FAM135B: variants seen among roughly 807,000 people sequenced by gnomAD.
FAM135B encodes the protein family with sequence similarity 135 member B, also known as protein FAM135B.
A neutral mutation model predicts 127.7 loss-of-function variants in FAM135B; 43 were observed. That is an observed-to-expected ratio of 0.34 (90% confidence interval 0.26 to 0.43). The LOEUF is 0.43. FAM135B is among the 20% of genes least tolerant of loss of function. The probability of loss-of-function intolerance (pLI) is 1.00; values close to 1 mark genes in which losing one functional copy is unlikely to be tolerated. For missense variants in FAM135B, 1,558 were observed against 1,725.6 expected (o/e 0.90, Z 1.72); for synonymous variants, 670 against 665.1 (o/e 1.01, Z -0.11).
intron 3 of FAM135B, among the ~76,000 whole-genome samples, chr8:138,278,477 G>A (rs373413136): frequency 1.5e-4 from 23 of 151,422 alleles, no homozygotes; most frequent in African/African-American, 4.6e-4. Flanking sequence ...TGAGGGATGT[G>A]ACAGTGCTGC....
intron 6 of FAM135B, 119 bp downstream of exon 6, chr8:138,250,722 G>T: frequency 8.9e-7 from 1 of 1,129,074 alleles, no homozygotes; most frequent in Non-Finnish European, 1.3e-6. Flanking sequence ...GCTTAAACCT[G>T]CAGCCTTAGA....
chr8:138,180,690 T>C (rs1416490447), intron 9 of FAM135B, among the ~76,000 whole-genome samples: 2 of 152,184 alleles, frequency 1.3e-5, no homozygotes, highest in Non-Finnish European at 2.9e-5. Flanking sequence ...ATGTTGCATA[T>C]TTTTGCTTTA....
chr8:138,264,773 G>C (rs1822790577), intron 4 of FAM135B, among the ~76,000 whole-genome samples: 1 of 152,146 alleles, frequency 6.6e-6, no homozygotes, highest in African/African-American at 2.4e-5. Flanking sequence ...GATAACAAAA[G>C]ATGTGGACAA....
At position 138,177,394 on chromosome 8, in the gene FAM135B, AAAG is replaced by A; in HGVS notation, c.1053_1055del (p.Phe352del). 1 of 1,613,664 alleles carries A rather than the reference AAAG, an allele frequency of 6.2e-7. No individual in the cohort carries two copies. The highest frequency in any genetic ancestry group is 8.5e-7 in the Non-Finnish European group (1 of 1,179,718). ...CTGCAAGTTTTTGGTGCTCCATGTA[AAAG>A]AAGGCCTCAGAAAACCTTCGGACCT... is the stretch of plus-strand genomic sequence containing the variant. On this transcript the variant is annotated inframe_deletion, in exon 11 of 20. Transcript: ENST00000395297.
rs187491858 is a variant in FAM135B at position 138,154,170 on chromosome 8, A to T, written c.1259-954T>A. Among the ~76,000 whole-genome samples the T allele has an allele frequency of 2.0e-4, 31 of 152,306 alleles. No individual in the cohort carries two copies. In the East Asian group the frequency reaches 6.0e-3, roughly 29 times the overall value. ...CAGCCTCCACTGGTGATACCCAGGC[A>T]AACAGGATCTGGAGTGGACCTCCAG... On this transcript the variant is annotated intron_variant, in intron 12 of 19. Transcript: ENST00000395297.
chr8:138,409,206 G>A (rs749136921), intron 1 of FAM135B, among the ~76,000 whole-genome samples: 9 of 152,038 alleles, frequency 5.9e-5, no homozygotes, highest in African/African-American at 1.7e-4. Flanking sequence ...TTAATTGGCC[G>A]ATTTTCAGTA....
chr8:138,469,527 CA>C (rs1837563892), intron 1 of FAM135B, among the ~76,000 whole-genome samples: 1 of 152,114 alleles, frequency 6.6e-6, no homozygotes, highest in Non-Finnish European at 1.5e-5. Context: ...AGAAAAAAAT[CA>C]GGGAAACAGA....
rs1020710449 is a variant in FAM135B at position 138,130,125 on chromosome 8, C to G, written c.*2468G>C. ...CGCAGAGAATGAAGACATACAAGAC[C>G]ATTATCTTGGCAGGCATTTTGTTTA... is the stretch of plus-strand genomic sequence containing the variant. On this transcript the variant is annotated 3_prime_UTR_variant, in exon 20 of 20. Coordinates refer to ENST00000395297, the MANE Select transcript of FAM135B (RefSeq NM_015912.4). 18 of 151,640 alleles carry G rather than the reference C, an allele frequency of 1.2e-4. No homozygotes were observed. Among genetic ancestry groups the G allele is most frequent in the African/African-American group, 4.4e-4 (18 of 41,368 alleles). The allele number at this position is 151,640 out of a possible 1,614,324, so 9.4% of individuals were successfully genotyped here.
At chr8:138,487,644 G>GGT (rs1159279877) in intron 1 of FAM135B, among the ~76,000 whole-genome samples, 3 of 151,016 alleles carry the variant, frequency 2.0e-5, no homozygotes, top group African/African-American at 7.4e-5. Context: ...TGGGGGTGGG[G>GGT]GCGGGGCAGG....
intron 7 of FAM135B, among the ~76,000 whole-genome samples, chr8:138,207,005 G>A (rs1450704122): frequency 6.6e-6 from 1 of 151,978 alleles, no homozygotes; most frequent in Non-Finnish European, 1.5e-5. Flanking sequence ...AGCATCAAAG[G>A]ATCCTACAAG....
chr8:138,494,852 A>AT (rs60279535), intron 1 of FAM135B, among the ~76,000 whole-genome samples: 1 of 150,036 alleles, frequency 6.7e-6, no homozygotes, highest in African/African-American at 2.5e-5. Context: ...AAAAAAAAAA[A>AT]CTTAATCCAC....
chr8:138,481,407 G>T (rs960383675), intron 1 of FAM135B, among the ~76,000 whole-genome samples: 5 of 152,168 alleles, frequency 3.3e-5, no homozygotes, highest in African/African-American at 9.7e-5. Flanking sequence ...AGGATTTTTT[G>T]AATTCAAATG....
At chr8:138,168,711 G>A (rs1172176125) in intron 11 of FAM135B, among the ~76,000 whole-genome samples, 2 of 152,156 alleles carry the variant, frequency 1.3e-5, no homozygotes, top group Admixed American at 6.5e-5. Context: ...AGGCTGGGGT[G>A]GTAGAAAGTG....
chr8:138,239,125 A>C (rs2130319732), intron 7 of FAM135B, among the ~76,000 whole-genome samples: 1 of 152,332 alleles, frequency 6.6e-6, no homozygotes, highest in East Asian at 1.9e-4. Context: ...CCTAGAAGGT[A>C]GATGTGATCC....
At chr8:138,386,158 A>G (rs1396669725) in intron 1 of FAM135B, among the ~76,000 whole-genome samples, 1 of 151,880 alleles carries the variant, frequency 6.6e-6, no homozygotes, top group Admixed American at 6.6e-5. Context: ...AGAGGTTGCA[A>G]TTAGCTGAGA....
intron 2 of FAM135B, among the ~76,000 whole-genome samples, chr8:138,317,099 A>C (rs1563891771): frequency 1.3e-5 from 2 of 152,234 alleles, no homozygotes; most frequent in African/African-American, 4.8e-5. Flanking sequence ...TGTTTAGAGA[A>C]GCTTTATCCA....
At chr8:138,239,440 T>C (rs1280172284) in intron 7 of FAM135B, among the ~76,000 whole-genome samples, 2 of 152,238 alleles carry the variant, frequency 1.3e-5, no homozygotes, top group Non-Finnish European at 2.9e-5. Context: ...GAGTTCTTTG[T>C]AGATTCTGGA....
At chr8:138,469,957 C>T (rs1837590487) in intron 1 of FAM135B, among the ~76,000 whole-genome samples, 1 of 152,194 alleles carries the variant, frequency 6.6e-6, no homozygotes, top group Non-Finnish European at 1.5e-5. Flanking sequence ...AACTCAACAC[C>T]TTGGATGTGG....
chr8:138,152,221 A>G lies in FAM135B; in HGVS notation c.2254T>C (p.Ser752Pro). 6.2e-7 allele frequency: 1 copy of G among 1,614,102 alleles called. No homozygotes were observed. The highest frequency in any genetic ancestry group is 8.5e-7 in the Non-Finnish European group (1 of 1,180,036). The change falls in exon 13 of 20, where the codon TCT (serine) becomes CCT (proline). Residue 752 changes from serine (S) to proline (P), a missense_variant. Physicochemically the swap from Ser to Pro is moderately conservative, Grantham distance 74 (BLOSUM62 -1). Coordinates refer to ENST00000395297, the MANE Select transcript of FAM135B (RefSeq NM_015912.4). ...CGCTCATCCTCCTCAAAAGGTAAAG[A>G]GCTAATGGAGGTGAGAGAAGCCTGG... ...GIQASLTSIS[S>P]LPFEEDEREV...
Sources: allele counts gnomAD v4.1 joint callset (sites outside exome capture counted in the v4.1 genomes callset), GRCh38; gene constraint gnomAD v4.1.1; transcripts MANE v1.5; gene names NCBI Gene and HGNC (gene_info 2026-07-23, HGNC 2026-07-21).